Variants in EHHADH observed in about 807,000 individuals in gnomAD.
EHHADH encodes peroxisomal bifunctional enzyme.
EHHADH carries 48 observed loss-of-function variants against 64.4 expected under a neutral mutation model. The ratio of observed to expected loss-of-function variants is 0.75; its 90% CI spans 0.59 to 0.95. The LOEUF is 0.95. EHHADH is among the 40% of genes least tolerant of loss of function. The pLI is 0.00. For missense variants in EHHADH, 854 were observed against 876.6 expected (o/e 0.97, Z 0.33); for synonymous variants, 308 against 326.7 (o/e 0.94, Z 0.62).
rs1435969707 is a variant in EHHADH at position 185,204,685 on chromosome 3, C to G, written c.641G>C (p.Ser214Thr). 6.2e-7 allele frequency: 1 copy of G among 1,614,068 alleles called. No homozygotes were observed. Among genetic ancestry groups the G allele is most frequent in the Non-Finnish European group, 8.5e-7 (1 of 1,180,018 alleles). ...CCTCCGCATCTTCAAGAGGGCCTCA[C>G]TAAAAATGCTGTCCATGTTGGGCAA... ...QSLPNMDSIFSEALLKMRRQH... is the reference protein window; with the variant it reads ...QSLPNMDSIFTEALLKMRRQH... Residue 214 changes from serine (S) to threonine (T), a missense_variant, in exon 6 of 7, where the codon AGT (serine) becomes ACT (threonine). By Grantham distance (58) the Ser-to-Thr change is moderately conservative (BLOSUM62 1). Coordinates refer to ENST00000231887, the MANE Select transcript of EHHADH (RefSeq NM_001966.4).
At chr3:185,204,297 G>A in intron 6 of EHHADH, 119 bp downstream of exon 6, 1 of 891,114 alleles carries the variant, frequency 1.1e-6, no homozygotes, top group Admixed American at 2.9e-5. Context: ...GTGAGAATTA[G>A]CTTAGCTAAC....
intron 5 of EHHADH, among the ~76,000 whole-genome samples, chr3:185,209,306 A>T (rs911735671): frequency 3.9e-5 from 6 of 152,194 alleles, no homozygotes; most frequent in African/African-American, 7.2e-5. Context: ...TATATTTTCC[A>T]TATGTATTAT....
intron 3 of EHHADH, among the ~76,000 whole-genome samples, chr3:185,232,493 G>A (rs889155716): frequency 1.3e-5 from 2 of 152,070 alleles, no homozygotes; most frequent in African/African-American, 4.8e-5. Flanking sequence ...TTGTTGCCCA[G>A]GCTGGAGTGC....
chr3:185,245,379 T>A (rs1315289252), intron 2 of EHHADH: 11 of 446,154 alleles, frequency 2.5e-5, no homozygotes, highest in Middle Eastern at 6.1e-4. Context: ...TTGCTTTTAA[T>A]ACAATGGTAT....
intron 6 of EHHADH, among the ~76,000 whole-genome samples, chr3:185,202,206 C>T (rs6795616): frequency 0.01 from 1,569 of 152,060 alleles, 31 homozygotes; most frequent in African/African-American, 0.036. Flanking sequence ...GGCTTGGTGG[C>T]GCAGCACCTG....
chr3:185,194,207 G>C (rs1002919216), intron 6 of EHHADH, among the ~76,000 whole-genome samples: 2 of 152,138 alleles, frequency 1.3e-5, no homozygotes, highest in African/African-American at 4.8e-5. Flanking sequence ...GAGGTGGCTC[G>C]TGCCTGTAAT....
intron 5 of EHHADH, among the ~76,000 whole-genome samples, chr3:185,212,671 G>GT (rs1173889209): frequency 9.8e-5 from 8 of 81,394 alleles, no homozygotes; most frequent in Non-Finnish European, 3.1e-4. Flanking sequence ...AATTCAACAT[G>GT]TATTTTTTTA....
intron 6 of EHHADH, among the ~76,000 whole-genome samples, chr3:185,203,008 T>G (rs1360327468): frequency 6.8e-6 from 1 of 146,954 alleles, no homozygotes; most frequent in Non-Finnish European, 1.5e-5. Flanking sequence ...GGATGGGAGA[T>G]GAAGGGAAAA....
chr3:185,217,326 C>A (rs1718706613), intron 5 of EHHADH, among the ~76,000 whole-genome samples: 1 of 151,986 alleles, frequency 6.6e-6, no homozygotes, highest in Non-Finnish European at 1.5e-5. Context: ...GCAGGCAGAT[C>A]ACGAGGTCAG....
intron 3 of EHHADH, among the ~76,000 whole-genome samples, chr3:185,230,090 A>C (rs893332374): frequency 3.9e-5 from 6 of 152,224 alleles, no homozygotes; most frequent in Admixed American, 3.9e-4. Context: ...ATCATTAGCC[A>C]TCAGAGGAAT....
intron 6 of EHHADH, among the ~76,000 whole-genome samples, chr3:185,196,945 T>G (rs1168860674): frequency 2.7e-5 from 4 of 150,462 alleles, no homozygotes; most frequent in Non-Finnish European, 5.9e-5. Flanking sequence ...GTGGTTGCAA[T>G]GAGTTGAGAT....
chr3:185,201,650 C>T (rs1049886354), intron 6 of EHHADH, among the ~76,000 whole-genome samples: 1 of 152,156 alleles, frequency 6.6e-6, no homozygotes, highest in Admixed American at 6.5e-5. Context: ...AGGGCAGAAA[C>T]GTCCAGATCC....
intron 2 of EHHADH, among the ~76,000 whole-genome samples, chr3:185,236,124 A>G (rs1259958637): frequency 6.6e-6 from 1 of 152,242 alleles, no homozygotes; most frequent in Non-Finnish European, 1.5e-5. Context: ...ATCACCCTAA[A>G]TATCACTATA....
At chr3:185,234,147 ATATAT>A (rs1719218129) in intron 3 of EHHADH, among the ~76,000 whole-genome samples, 1 of 152,188 alleles carries the variant, frequency 6.6e-6, no homozygotes, top group Non-Finnish European at 1.5e-5. Context: ...CATTAGAAAA[ATATAT>A]TAATTACAAA....
intron 2 of EHHADH, among the ~76,000 whole-genome samples, chr3:185,236,365 C>CCCCCCTCCCTCCCAGGCCTGCA (rs1719294573): frequency 7.4e-6 from 1 of 134,284 alleles, no homozygotes; most frequent in African/African-American, 2.6e-5. Context: ...CAATCCCTGC[C>CCCCCCTCCCTCCCAGGCCTGCA]CCCCCACCCT....
chr3:185,249,495 A>G (rs1049963819), intron 1 of EHHADH, among the ~76,000 whole-genome samples: 2 of 152,198 alleles, frequency 1.3e-5, no homozygotes, highest in Non-Finnish European at 2.9e-5. Context: ...GGAGGGACCT[A>G]GCGGGAGTTG....
chr3:185,239,759 G>A lies in EHHADH; in HGVS notation c.179-4297C>T, dbSNP rs186596254. On this transcript the variant is annotated intron_variant, in intron 2 of 6. Transcript: ENST00000231887. ...ATCTGACTTCCTCTTTTCCAATTTGGATGCCTTTTATTTCTTTCTGTTGCC... is the reference window on the plus strand; with the variant it reads ...ATCTGACTTCCTCTTTTCCAATTTGAATGCCTTTTATTTCTTTCTGTTGCC... Among the ~76,000 whole-genome samples, 3 of 152,008 alleles carry A rather than the reference G, an allele frequency of 2.0e-5. No homozygotes were observed. In the East Asian group the frequency reaches 5.8e-4, roughly 29 times the overall value.
In EHHADH at chr3:185,254,017, G is replaced by C. The variant is rs141515588; in HGVS notation, c.6C>G (p.Ala2=). 469 of 1,613,630 alleles carry C rather than the reference G, an allele frequency of 2.9e-4. 1 individual carries two copies. The highest frequency in any genetic ancestry group is 3.2e-4 in the Non-Finnish European group (378 of 1,179,792). Residue 2 remains alanine, a synonymous_variant, in exon 1 of 7, where the codon GCC becomes GCG. Coordinates refer to ENST00000231887, the MANE Select transcript of EHHADH (RefSeq NM_001966.4). Reference sequence around the variant, plus strand: ...AGGCGTTGTGCAGCCGCGTATACTCGGCCATGTTTCCTCTATCACCGAGGG... The same window carrying C: ...AGGCGTTGTGCAGCCGCGTATACTCCGCCATGTTTCCTCTATCACCGAGGG... M[A]EYTRLHNALA... is the part of the protein sequence containing the mutation.
In EHHADH at chr3:185,192,175, CA is replaced by C. The variant is rs1717887864; in HGVS notation, c.*50del. ...TTTTTGATTTAATTTCACTGAAATT[CA>C]GTCAGCATTACCTGATGCTAGCATG... is the stretch of plus-strand genomic sequence containing the variant. On this transcript the variant is annotated 3_prime_UTR_variant, in exon 7 of 7. Transcript: ENST00000231887. 1 of 1,514,272 alleles carries C rather than the reference CA, an allele frequency of 6.6e-7. No homozygotes were observed. Among genetic ancestry groups the C allele is most frequent in the African/African-American group, 1.4e-5 (1 of 71,362 alleles). The allele number at this position is 1,514,272 out of a possible 1,614,324, so 93.8% of individuals were successfully genotyped here.
Sources: allele counts gnomAD v4.1 joint callset (sites outside exome capture counted in the v4.1 genomes callset), GRCh38; gene constraint gnomAD v4.1.1; transcripts MANE v1.5; gene names NCBI Gene and HGNC (gene_info 2026-07-23, HGNC 2026-07-21).